Variants in FAM149B1 observed in about 807,000 individuals in gnomAD.
The protein encoded by FAM149B1 is family with sequence similarity 149 member B1.
A neutral mutation model predicts 75.3 loss-of-function variants in FAM149B1; 56 were observed. That is an observed-to-expected ratio of 0.74 (90% CI 0.60 to 0.93). FAM149B1 has a LOEUF of 0.93. Ranked by LOEUF, FAM149B1 falls within the 40% of genes least tolerant of loss-of-function variation. The pLI, the probability that FAM149B1 is intolerant of heterozygous loss-of-function variation, is 0.00. For synonymous variants in FAM149B1, 259 were observed against 256.1 expected, an observed-to-expected ratio of 1.01 and a Z score of -0.11; for missense variants, 639 against 708.4, an observed-to-expected ratio of 0.90 and a Z score of 1.11.
intron 9 of FAM149B1, among the ~76,000 whole-genome samples, chr10:73,232,001 C>A (rs2043715740): frequency 6.6e-6 from 1 of 151,724 alleles, no homozygotes; most frequent in Non-Finnish European, 1.5e-5. Flanking sequence ...TAGCCCTGTT[C>A]CTTGATGGGC....
rs1383278150 is a variant in FAM149B1 at position 73,228,040 on chromosome 10, T to C, written c.899-20T>C. ...GCCAGAAGATTATCCATGGATAATATATCCTGTTCCTTTGCCCAGATGATG... is the reference window on the plus strand; with the variant it reads ...GCCAGAAGATTATCCATGGATAATACATCCTGTTCCTTTGCCCAGATGATG... On this transcript the variant is annotated intron_variant, in intron 7 of 13. Coordinates refer to ENST00000242505, the MANE Select transcript of FAM149B1 (RefSeq NM_173348.2). The C allele has an allele frequency of 3.2e-6, 5 of 1,550,758 alleles. No individual in the cohort carries two copies. In the African/African-American group the frequency reaches 4.1e-5, roughly 13 times the overall value.
intron 1 of FAM149B1, among the ~76,000 whole-genome samples, chr10:73,170,903 T>TG (rs1843682563): frequency 1.3e-5 from 2 of 152,112 alleles, no homozygotes; most frequent in Admixed American, 6.5e-5. Flanking sequence ...AAATCTTGTA[T>TG]GGAAAAAAAT....
chr10:73,241,700 T>A lies in FAM149B1; in HGVS notation c.*681T>A, dbSNP rs1015644916. The A allele has an allele frequency of 6.6e-6, 1 of 152,238 alleles. No individual in the cohort carries two copies. The highest frequency in any genetic ancestry group is 6.5e-5 in the Admixed American group (1 of 15,272). 9.4% of individuals were successfully genotyped at this position (152,238 alleles called of 1,614,324 possible). On this transcript the variant is annotated 3_prime_UTR_variant, in exon 14 of 14. Transcript: ENST00000242505. ...ATGCTTATTTTCTTCCTAAAGTAGG[T>A]TACTGGTCATATCTTTTTTCCAAAT...
chr10:73,186,203 A>G (rs1360326767), intron 3 of FAM149B1, among the ~76,000 whole-genome samples: 1 of 152,208 alleles, frequency 6.6e-6, no homozygotes, highest in African/African-American at 2.4e-5. Flanking sequence ...TTAATACATT[A>G]TATTAATAGA....
chr10:73,170,072 C>T (rs934124241), intron 1 of FAM149B1, among the ~76,000 whole-genome samples: 2 of 147,244 alleles, frequency 1.4e-5, no homozygotes, highest in Non-Finnish European at 3.0e-5. Context: ...TATGCACATA[C>T]ATGATAATTG....
chr10:73,175,586 C>T (rs1843923247), intron 2 of FAM149B1, among the ~76,000 whole-genome samples: 1 of 149,654 alleles, frequency 6.7e-6, no homozygotes. Flanking sequence ...AGGAGAATGG[C>T]ATGAACCCGG....
In FAM149B1 at chr10:73,242,870, AC is replaced by A. The variant is rs1189759620; in HGVS notation, c.*1852del. 2 of 152,848 alleles carry A rather than the reference AC, an allele frequency of 1.3e-5. No homozygotes were observed. Among genetic ancestry groups the A allele is most frequent in the African/African-American group, 4.8e-5 (2 of 41,460 alleles). 9.5% of individuals were successfully genotyped at this position (152,848 alleles called of 1,614,324 possible). A position where few individuals can be genotyped will look rare whatever the true frequency, so the allele number is the denominator to read the frequency against. ...TTTTATTGAATTATATACACCTCTT[AC>A]AAAAATGCTTGAAGTAATTTAACAC... On this transcript the variant is annotated 3_prime_UTR_variant, in exon 14 of 14. Transcript: ENST00000242505.
rs1383066026 is a variant in FAM149B1 at position 73,233,160 on chromosome 10, G to A, written c.1349G>A (p.Arg450Gln). Residue 450 changes from arginine to glutamine, a missense_variant, in exon 10 of 14, where the codon CGA becomes CAA. Transcript: ENST00000242505. ...GTGGAAGAAATCCTCAGAGGAGCCC[G>A]AGTGTAGGTTTCAAAAGCAGAACTT... ...RSVEEILRGA[R>Q]VPVAPDSLSS... 9 of 1,548,966 alleles carry A rather than the reference G, an allele frequency of 5.8e-6. No homozygotes were observed. The East Asian group carries it at 7.3e-5, about 13-fold the overall frequency.
chr10:73,178,831 C>CTTTACTTA (rs1844085993), intron 3 of FAM149B1, among the ~76,000 whole-genome samples: 1 of 152,110 alleles, frequency 6.6e-6, no homozygotes, highest in Non-Finnish European at 1.5e-5. Context: ...ATTTTTACTT[C>CTTTACTTA]TTTACTTATT....
chr10:73,243,871 C>T lies in FAM149B1; in HGVS notation c.*2852C>T, dbSNP rs765054910. On this transcript the variant is annotated 3_prime_UTR_variant, in exon 14 of 14. Coordinates refer to ENST00000242505, the MANE Select transcript of FAM149B1 (RefSeq NM_173348.2). ...AATGGCTGCCTTCAGGCTATCCACGCCTTCATCAAGCCCCAACTCCTTTCT... is the reference window on the plus strand; with the variant it reads ...AATGGCTGCCTTCAGGCTATCCACGTCTTCATCAAGCCCCAACTCCTTTCT... The T allele has an allele frequency of 1.9e-5, 31 of 1,613,990 alleles. No individual in the cohort carries two copies. In the Admixed American group the frequency reaches 4.0e-4, roughly 21 times the overall value.
chr10:73,171,402 C>A (rs1168230632), intron 1 of FAM149B1, among the ~76,000 whole-genome samples: 1 of 152,024 alleles, frequency 6.6e-6, no homozygotes, highest in Non-Finnish European at 1.5e-5. Flanking sequence ...ATAATGATAA[C>A]CTGCTTTGAA....
At chr10:73,208,515 T>C (rs1037244787) in intron 5 of FAM149B1, 104 bp from the exon 6 acceptor site, 13 of 673,114 alleles carry the variant, frequency 1.9e-5, no homozygotes, top group Non-Finnish European at 3.2e-5. Flanking sequence ...CACGAAGGTA[T>C]TGCCAGGGCA....
intron 12 of FAM149B1, among the ~76,000 whole-genome samples, chr10:73,238,591 A>G (rs926763602): frequency 6.6e-6 from 1 of 152,242 alleles, no homozygotes; most frequent in African/African-American, 2.4e-5. Flanking sequence ...CAACCACCCT[A>G]TGGTCCACAA....
At position 73,177,968 on chromosome 10, in the gene FAM149B1, GA is replaced by G; in HGVS notation, c.276del (p.Tyr93MetfsTer28). 1 of 1,550,096 alleles carries G rather than the reference GA, an allele frequency of 6.5e-7. No homozygotes were observed. Among genetic ancestry groups the G allele is most frequent in the Non-Finnish European group, 8.7e-7 (1 of 1,146,564 alleles). On this transcript the variant is annotated frameshift_variant, in exon 3 of 14. Transcript: ENST00000242505. LOFTEE classifies it high-confidence loss of function. ...GAAGGAAGCTCGGACTTCTCCTGGG[GA>G]TATGGTGTGAGTTATATGTTATCAG... ...STEGSSDFSWGYGELDQNATE... is the reference protein window; with the variant it reads ...STEGSSDFSWXYGELDQNATE...
intron 7 of FAM149B1, among the ~76,000 whole-genome samples, chr10:73,218,648 C>G (rs533741047): frequency 2.0e-5 from 3 of 152,056 alleles, no homozygotes; most frequent in Non-Finnish European, 4.4e-5. Context: ...GAGATAAACC[C>G]TTAATCTCTT....
chr10:73,192,098 C>T (rs1232938575), intron 3 of FAM149B1: 1 of 153,322 alleles, frequency 6.5e-6, no homozygotes, highest in Non-Finnish European at 1.4e-5. Context: ...TGGAGTTTCA[C>T]TATGTTGGCC....
intron 10 of FAM149B1, chr10:73,234,571 T>A: frequency 2.2e-6 from 1 of 456,052 alleles, no homozygotes; most frequent in Non-Finnish European, 4.0e-6. Flanking sequence ...TCCAGTTCTG[T>A]GGGAGAGAAA....
chr10:73,168,142 G>A lies in FAM149B1; in HGVS notation c.-198G>A. 1 of 585,454 alleles carries A rather than the reference G, an allele frequency of 1.7e-6. No homozygotes were observed. Among genetic ancestry groups the A allele is most frequent in the Middle Eastern group, 4.7e-4 (1 of 2,118 alleles). 36.3% of individuals were successfully genotyped at this position (585,454 alleles called of 1,614,324 possible). A position where few individuals can be genotyped will look rare whatever the true frequency, so the allele number is the denominator to read the frequency against. Reference sequence around the variant, plus strand: ...TCACTTCCGCCCCCGCGGCAAAGCAGGGAGGTCGGAGGACTGGAGAGGTGG... The same window carrying A: ...TCACTTCCGCCCCCGCGGCAAAGCAAGGAGGTCGGAGGACTGGAGAGGTGG... On this transcript the variant is annotated 5_prime_UTR_variant, in exon 1 of 14. Coordinates refer to ENST00000242505, the MANE Select transcript of FAM149B1 (RefSeq NM_173348.2).
At chr10:73,199,399 A>G (rs1235226334) in intron 5 of FAM149B1, among the ~76,000 whole-genome samples, 2 of 151,960 alleles carry the variant, frequency 1.3e-5, no homozygotes, top group Non-Finnish European at 2.9e-5. Flanking sequence ...TTGTATTTTT[A>G]GTAGAGACGG....
Sources: allele counts gnomAD v4.1 joint callset (sites outside exome capture counted in the v4.1 genomes callset), GRCh38; gene constraint gnomAD v4.1.1; transcripts MANE v1.5; gene names NCBI Gene and HGNC (gene_info 2026-07-23, HGNC 2026-07-21).